Variants in ADGRB1 observed in about 807,000 individuals in gnomAD.
The protein encoded by ADGRB1 is brain-specific angiogenesis inhibitor 1.
In ADGRB1, 36 loss-of-function variants were observed where a neutral mutation model predicts 175.7. The ratio of observed to expected loss-of-function variants is 0.20; its 90% confidence interval spans 0.16 to 0.27. The LOEUF (loss-of-function observed/expected upper bound fraction) is 0.27, where lower values mean the gene tolerates loss of function less well. ADGRB1 is among the 10% of genes least tolerant of loss of function. ADGRB1 has a pLI of 1.00. For missense variants in ADGRB1, 1,731 were observed against 2,255.3 expected, an observed-to-expected ratio of 0.77 and a Z score of 4.71; for synonymous variants, 1,054 against 979.4, an observed-to-expected ratio of 1.08 and a Z score of -1.42.
chr8:142,498,903 G>A (rs557558764), intron 17 of ADGRB1, among the ~76,000 whole-genome samples: 40 of 152,322 alleles, frequency 2.6e-4, no homozygotes, highest in African/African-American at 8.4e-4. Flanking sequence ...TAACAGACCC[G>A]CTAGTCTGCC....
intron 2 of ADGRB1, among the ~76,000 whole-genome samples, chr8:142,469,581 ATG>A: frequency 7.9e-6 from 1 of 126,270 alleles, no homozygotes; most frequent in East Asian, 2.6e-4. Context: ...GCATGTGTGC[ATG>A]TGTGAATGTG....
At chr8:142,453,055 C>T (rs1323087478) in intron 1 of ADGRB1, among the ~76,000 whole-genome samples, 24 of 143,422 alleles carry the variant, frequency 1.7e-4, no homozygotes, top group East Asian at 2.0e-4. Flanking sequence ...CTCGCTCGCT[C>T]GCTCGCCGTC....
intron 24 of ADGRB1, among the ~76,000 whole-genome samples, chr8:142,529,060 T>TG (rs1234495149): frequency 6.6e-6 from 1 of 152,220 alleles, no homozygotes; most frequent in Non-Finnish European, 1.5e-5. Flanking sequence ...GGATGGCTGA[T>TG]GCCTGGGCAG....
intron 17 of ADGRB1, among the ~76,000 whole-genome samples, chr8:142,494,948 C>G (rs1336885018): frequency 6.6e-6 from 1 of 152,094 alleles, no homozygotes; most frequent in Non-Finnish European, 1.5e-5. Context: ...GTAGCCCATC[C>G]CTGTATAGTT....
rs775557775 is a variant in ADGRB1, at chr8:142,542,566, G to A, written c.4332G>A (p.Glu1444=). 501 of 1,530,780 alleles carry A rather than the reference G, an allele frequency of 3.3e-4. 2 individuals are homozygous for A. The African/African-American group carries it at 6.0e-3, about 18-fold the overall frequency. The allele number at this position is 1,530,780 out of a possible 1,614,324, so 94.8% of individuals were successfully genotyped here. ...CCCCCAGCCTGGGGGATCCCGGGGA[G>A]CCTGCCGCCCATCCGGGACCCAGCA... The part of the protein sequence containing the change: ...PAPPSLGDPG[E]PAAHPGPSTG... The change falls in exon 28 of 31, where the codon GAG becomes GAA. Residue 1444 remains glutamate, a synonymous_variant. Transcript: ENST00000517894. The surrounding 1 kb of genome is among the most constrained non-coding windows in gnomAD (Gnocchi z 6.3).
At position 142,510,617 on chromosome 8, in the gene ADGRB1, G is replaced by T. The variant is rs1843040333; in HGVS notation, c.2676-315G>T. Among the ~76,000 whole-genome samples, 1 of 146,062 alleles carries T rather than the reference G, an allele frequency of 6.8e-6. No individual in the cohort carries two copies. Among genetic ancestry groups the T allele is most frequent in the South Asian group, 2.1e-4 (1 of 4,804 alleles). ...GGGGCGGCGGGGGCGCGGGGCGGGCGACTGCCGGGCCCCGGGCCAGCTCTC... is the reference window on the plus strand; with the variant it reads ...GGGGCGGCGGGGGCGCGGGGCGGGCTACTGCCGGGCCCCGGGCCAGCTCTC... On this transcript the variant is annotated intron_variant, in intron 17 of 30. Transcript: ENST00000517894. The surrounding 1 kb of genome is among the most constrained non-coding windows in gnomAD (Gnocchi z 6.3).
rs531206539 is a variant in ADGRB1 at position 142,474,511 on chromosome 8, G to A, written c.785-963G>A. 1.6e-4 allele frequency among the ~76,000 whole-genome samples: 24 copies of A among 152,232 alleles called. No homozygotes were observed. Among genetic ancestry groups the A allele is most frequent in the African/African-American group, 2.9e-4 (12 of 41,546 alleles). ...GGCCTGGACGCGGCAGCCCCTTCCC[G>A]GCCCCCTGGTGCTGCTGCCCCTCTC... On this transcript the variant is annotated intron_variant, in intron 2 of 30. Coordinates refer to ENST00000517894, the MANE Select transcript of ADGRB1 (RefSeq NM_001702.3). This position sits in a 1 kb window ranked among gnomAD's most constrained non-coding sequence, Gnocchi z 5.8.
chr8:142,519,893 TGTGTTG>T (rs1563735142), intron 19 of ADGRB1, among the ~76,000 whole-genome samples: 2 of 121,394 alleles, frequency 1.6e-5, no homozygotes, highest in African/African-American at 3.2e-5. Flanking sequence ...TGGTGGTGGT[TGTGTTG>T]GTGTTGGTGG....
At chr8:142,509,318 TGAG>T (rs1194173079) in intron 17 of ADGRB1, among the ~76,000 whole-genome samples, 4 of 152,126 alleles carry the variant, frequency 2.6e-5, no homozygotes, top group Non-Finnish European at 2.9e-5. Flanking sequence ...ATTTTAAAGA[TGAG>T]GAGACTGAAG....
rs577972883 is a variant in ADGRB1 at position 142,517,508 on chromosome 8, C to T, written c.2818-630C>T. 4.0e-5 allele frequency among the ~76,000 whole-genome samples: 6 copies of T among 150,142 alleles called. No homozygotes were observed. In the East Asian group the frequency reaches 8.2e-4, roughly 20 times the overall value. The stretch of plus-strand genomic sequence containing the variant: ...TGGGGATGCCTGGGGCCAGGGCTGG[C>T]GGCTAGGCCTAGAAGCTGCAGGGGA... On this transcript the variant is annotated intron_variant, in intron 18 of 30. Transcript: ENST00000517894.
intron 18 of ADGRB1, among the ~76,000 whole-genome samples, chr8:142,515,733 CG>C (rs1259322965): frequency 3.3e-5 from 5 of 151,358 alleles, no homozygotes; most frequent in Non-Finnish European, 2.9e-5. Context: ...TGGGAGGGAT[CG>C]GGGGGCCGGT....
rs1845407144 is a variant in ADGRB1 at position 142,543,480 on chromosome 8, A to T, written c.4449+42A>T. 5 of 1,612,516 alleles carry T rather than the reference A, an allele frequency of 3.1e-6. No homozygotes were observed. The highest frequency in any genetic ancestry group is 4.2e-6 in the Non-Finnish European group (5 of 1,179,352). On this transcript the variant is annotated intron_variant, in intron 29 of 30. Transcript: ENST00000517894. This position sits in a 1 kb window ranked among gnomAD's most constrained non-coding sequence, Gnocchi z 4.4. ...CCCCCCACCAGACACTTAGGGCCAG[A>T]TGTGCTCTGGGCTCCCACACGGCCA...
chr8:142,500,807 G>A (rs927244510), intron 17 of ADGRB1, among the ~76,000 whole-genome samples: 1 of 152,180 alleles, frequency 6.6e-6, no homozygotes, highest in South Asian at 2.1e-4. Context: ...TGGTGCACAG[G>A]TGCCTGGAAG....
chr8:142,513,252 G>A (rs1052059252), intron 18 of ADGRB1, among the ~76,000 whole-genome samples: 2 of 152,208 alleles, frequency 1.3e-5, no homozygotes, highest in Non-Finnish European at 2.9e-5. Flanking sequence ...ATGGGAGGGC[G>A]GTTGGCTCTG....
intron 25 of ADGRB1, among the ~76,000 whole-genome samples, chr8:142,534,605 G>A (rs965056676): frequency 1.6e-4 from 24 of 152,162 alleles, no homozygotes; most frequent in African/African-American, 4.6e-4. Flanking sequence ...GTCCAGCAGC[G>A]AAACGGCTCC....
rs200278524 is a variant in ADGRB1, at chr8:142,502,470, C to CTG, written c.2676-8459_2676-8458dup. On this transcript the variant is annotated intron_variant, in intron 17 of 30. Transcript: ENST00000517894. ...TGATGATGGGGTGGTGCAGTCATCA[C>CTG]TGTGGTTTTGATGATGACAGTGGTG... Among the ~76,000 whole-genome samples, 23 of 7,658 alleles carry CTG rather than the reference C, an allele frequency of 3.0e-3. 3 individuals are homozygous for CTG. The highest frequency in any genetic ancestry group is 0.021 in the South Asian group (2 of 94). 5.0% of individuals were successfully genotyped at this position (7,658 alleles called of 152,430 possible).
intron 17 of ADGRB1, among the ~76,000 whole-genome samples, chr8:142,503,314 G>A (rs796871340): frequency 1.5e-4 from 23 of 152,186 alleles, no homozygotes; most frequent in African/African-American, 5.1e-4. Context: ...GTAATGGGGG[G>A]AAGGTTTGGG....
At chr8:142,489,198 G>A in intron 15 of ADGRB1, 88 bp downstream of exon 15, 1 of 1,546,154 alleles carries the variant, frequency 6.5e-7, no homozygotes, top group South Asian at 1.1e-5. Context: ...GGGGAGGCCA[G>A]GGGGCCTGGA....
intron 26 of ADGRB1, among the ~76,000 whole-genome samples, chr8:142,538,255 G>A (rs1024854525): frequency 3.3e-5 from 5 of 152,202 alleles, no homozygotes; most frequent in East Asian, 1.9e-4. Context: ...CCTGGGTCCC[G>A]GGGTGCCCAG....
Sources: allele counts gnomAD v4.1 joint callset (sites outside exome capture counted in the v4.1 genomes callset), GRCh38; gene constraint gnomAD v4.1.1; non-coding constraint Gnocchi (gnomAD v3.1); transcripts MANE v1.5; gene names NCBI Gene and HGNC (gene_info 2026-07-23, HGNC 2026-07-21).